WDPCP: variants seen among roughly 807,000 people sequenced by gnomAD.
The protein encoded by WDPCP is WD repeat-containing and planar cell polarity effector protein fritz homolog.
In WDPCP, 71 loss-of-function variants were observed where a neutral mutation model predicts 93.1. That is an observed-to-expected ratio of 0.76 (90% CI 0.63 to 0.93). WDPCP has a LOEUF of 0.93. Among genes scored for constraint, WDPCP ranks in the 40% least tolerant of loss-of-function variants. WDPCP has a pLI of 0.00. For synonymous variants in WDPCP, 315 were observed against 315.0 expected, an observed-to-expected ratio of 1.00 and a Z score of 0.00; for missense variants, 844 against 887.4, an observed-to-expected ratio of 0.95 and a Z score of 0.62.
At chr2:63,722,083 C>A (rs1251958315) in intron 2 of WDPCP, among the ~76,000 whole-genome samples, 14 of 152,262 alleles carry the variant, frequency 9.2e-5, no homozygotes, top group Non-Finnish European at 1.6e-4. Context: ...TCGCTACAAC[C>A]TCCACCTCCC....
intron 3 of WDPCP, among the ~76,000 whole-genome samples, chr2:63,630,019 T>C (rs530241215): frequency 6.6e-6 from 1 of 152,328 alleles, no homozygotes; most frequent in East Asian, 1.9e-4. Flanking sequence ...TAAAGGCAGC[T>C]ATTATAAATG....
chr2:63,503,724 G>C (rs571927190), intron 1 of WDPCP, among the ~76,000 whole-genome samples: 1 of 151,798 alleles, frequency 6.6e-6, no homozygotes, highest in Non-Finnish European at 1.5e-5. Flanking sequence ...TTGAAAAAAC[G>C]TAACTTTGAA....
At position 63,660,832 on chromosome 2, in the gene WDPCP, G is replaced by T. The variant is rs1710218243; in HGVS notation, n.309-9994C>A. On this transcript the variant is annotated intron_variant and non_coding_transcript_variant, in intron 2 of 4. Transcript: ENST00000467687. ...CAAAAAGATTTAGTAGTGGAGTTTA[G>T]TGAGAACTCTTCATATAAGAATTAA... 2.0e-5 allele frequency among the ~76,000 whole-genome samples: 3 copies of T among 152,198 alleles called. 1 individual carries two copies. In the South Asian group the frequency reaches 6.2e-4, roughly 32 times the overall value.
intron 14 of WDPCP, among the ~76,000 whole-genome samples, chr2:63,259,031 C>A (rs940593761): frequency 6.6e-6 from 1 of 152,144 alleles, no homozygotes; most frequent in African/African-American, 2.4e-5. Context: ...TAATACTAAG[C>A]TCTTTCTCCC....
At chr2:63,550,553 T>C (rs1705530967) in intron 1 of WDPCP, among the ~76,000 whole-genome samples, 2 of 151,930 alleles carry the variant, frequency 1.3e-5, no homozygotes, top group Admixed American at 1.3e-4. Context: ...AAGTACCATT[T>C]TTCTGTTTCT....
intron 17 of WDPCP, among the ~76,000 whole-genome samples, chr2:63,142,187 G>A (rs1671110433): frequency 6.6e-6 from 1 of 152,090 alleles, no homozygotes; most frequent in Non-Finnish European, 1.5e-5. Flanking sequence ...TTTGAGTTTG[G>A]TTTGTTCTTG....
At chr2:63,343,189 G>C (rs1688964746) in intron 12 of WDPCP, among the ~76,000 whole-genome samples, 1 of 151,810 alleles carries the variant, frequency 6.6e-6, no homozygotes, top group South Asian at 2.1e-4. Context: ...TGCATTTTTA[G>C]TAGAGATGAG....
chr2:63,610,167 T>G lies in WDPCP; in HGVS notation n.488+40492A>C, dbSNP rs149990289. ...AGCATGATAATATGTGAAAAGCCTA[T>G]GCCTTTCCTAAGCATTTTTACTAGT... On this transcript the variant is annotated intron_variant and non_coding_transcript_variant, in intron 3 of 4. Coordinates refer to the WDPCP transcript ENST00000467687. Among the ~76,000 whole-genome samples the G allele has an allele frequency of 1.0e-3, 155 of 152,336 alleles. 5 individuals are homozygous for G. The East Asian group carries it at 0.018, about 18-fold the overall frequency.
intron 2 of WDPCP, among the ~76,000 whole-genome samples, chr2:63,810,975 GA>G (rs1670854213): frequency 6.6e-6 from 1 of 152,214 alleles, no homozygotes; most frequent in Non-Finnish European, 1.5e-5. Context: ...GGAGACAAGT[GA>G]GAAAAACCAG....
At chr2:63,622,713 A>G in intron 3 of WDPCP, 2 of 1,613,642 alleles carry the variant, frequency 1.2e-6, no homozygotes, top group Non-Finnish European at 8.5e-7. Flanking sequence ...CTCCCGGTGT[A>G]CTATGTCTTC....
intron 1 of WDPCP, among the ~76,000 whole-genome samples, chr2:63,495,271 T>G (rs964805648): frequency 1.3e-5 from 2 of 152,162 alleles, no homozygotes; most frequent in Non-Finnish European, 2.9e-5. Context: ...TTACTAATTT[T>G]TCAGTTCAAC....
At chr2:63,284,601 A>G (rs1683843094) in intron 13 of WDPCP, among the ~76,000 whole-genome samples, 1 of 152,206 alleles carries the variant, frequency 6.6e-6, no homozygotes. Flanking sequence ...GCACTGTAAT[A>G]GTTTTACAGT....
chr2:63,137,382 C>T (rs1670700809), intron 17 of WDPCP, among the ~76,000 whole-genome samples: 1 of 152,100 alleles, frequency 6.6e-6, no homozygotes, highest in Non-Finnish European at 1.5e-5. Context: ...AAAGTATCTG[C>T]TTGTGTCTGC....
At chr2:63,381,857 A>G in intron 11 of WDPCP, 49 bp downstream of exon 11, 2 of 1,589,392 alleles carry the variant, frequency 1.3e-6, no homozygotes, top group Non-Finnish European at 1.7e-6. Context: ...AATAAAATCT[A>G]TTTCATGTAT....
chr2:63,636,768 A>T (rs1709924732), intron 3 of WDPCP, among the ~76,000 whole-genome samples: 1 of 152,166 alleles, frequency 6.6e-6, no homozygotes, highest in African/African-American at 2.4e-5. Flanking sequence ...AAATAAACCC[A>T]CACATGTACA....
At chr2:63,155,053 A>G (rs555393772) in intron 15 of WDPCP, among the ~76,000 whole-genome samples, 10 of 152,250 alleles carry the variant, frequency 6.6e-5, no homozygotes, top group African/African-American at 2.2e-4. Flanking sequence ...CCTTTGCTGG[A>G]TATGTGACTT....
intron 1 of WDPCP, among the ~76,000 whole-genome samples, chr2:63,535,348 T>C (rs767071610): frequency 3.9e-5 from 6 of 152,114 alleles, no homozygotes; most frequent in Non-Finnish European, 8.8e-5. Context: ...CTTCACAAAA[T>C]TGGAAAAACT....
intron 1 of WDPCP, among the ~76,000 whole-genome samples, chr2:63,570,319 C>T: frequency 6.6e-6 from 1 of 152,136 alleles, no homozygotes; most frequent in East Asian, 1.9e-4. Flanking sequence ...TCAAACTGGA[C>T]AAAACGCAGA....
At chr2:63,146,772 G>A (rs1671541455) in intron 17 of WDPCP, among the ~76,000 whole-genome samples, 4 of 152,142 alleles carry the variant, frequency 2.6e-5, no homozygotes, top group Admixed American at 2.0e-4. Flanking sequence ...TCAAAAATAA[G>A]ATGTTTCAAT....
Sources: gnomAD v4.1 joint callset for allele counts (sites outside exome capture counted in the v4.1 genomes callset) on GRCh38, gnomAD v4.1.1 for gene constraint, MANE v1.5 for transcripts, NCBI Gene and HGNC (gene_info 2026-07-23, HGNC 2026-07-21) for gene names.